COMMD1: variants seen among roughly 807,000 people sequenced by gnomAD.
COMMD1 encodes the protein COMM domain-containing protein 1.
Under a neutral mutation model 17.2 loss-of-function variants are expected in COMMD1, and 10 were observed. That is an observed-to-expected ratio of 0.58 (90% CI 0.36 to 0.99). The LOEUF (loss-of-function observed/expected upper bound fraction) is 0.99, where lower values mean the gene tolerates loss of function less well. COMMD1 is among the 50% of genes least tolerant of loss of function. COMMD1 has a pLI of 0.01. For synonymous variants in COMMD1, 97 were observed against 91.6 expected (o/e 1.06, Z -0.34); for missense variants, 270 against 231.8 (o/e 1.17, Z -1.07).
At chr2:62,006,998 G>T (rs145988268) in intron 2 of COMMD1, among the ~76,000 whole-genome samples, 1 of 152,242 alleles carries the variant, frequency 6.6e-6, no homozygotes, top group Non-Finnish European at 1.5e-5. Context: ...AGGACATTTT[G>T]TGAGGAAACA....
chr2:61,953,019 CT>C (rs1306579870), intron 1 of COMMD1, among the ~76,000 whole-genome samples: 3 of 151,892 alleles, frequency 2.0e-5, no homozygotes, highest in East Asian at 1.9e-4. Context: ...AGGTTAGTTT[CT>C]TTTTTTTGAG....
rs758157135 is a variant in COMMD1 at position 61,918,850 on chromosome 2, A to G, written c.180+12992A>G. Among the ~76,000 whole-genome samples, 90 of 152,062 alleles carry G rather than the reference A, an allele frequency of 5.9e-4. 2 individuals are homozygous for G. Among genetic ancestry groups the G allele is most frequent in the Admixed American group, 2.0e-4 (3 of 15,256 alleles). On this transcript the variant is annotated intron_variant, in intron 1 of 2. Transcript: ENST00000311832. ...TTTTTTGTCTTAATAAAACACCCAC[A>G]TTTTTAGCTCTATCTTAATGTAGAA...
chr2:62,109,509 G>A (rs186163499), intron 2 of COMMD1, among the ~76,000 whole-genome samples: 21 of 152,196 alleles, frequency 1.4e-4, no homozygotes, highest in Admixed American at 6.5e-5. Flanking sequence ...TTATTATATC[G>A]TCTTCTTAAA....
In COMMD1 at chr2:61,943,838, A is replaced by AAAAAC. The variant is rs920175651; in HGVS notation, c.180+38000_180+38004dup. Among the ~76,000 whole-genome samples, 3 of 152,180 alleles carry AAAAAC rather than the reference A, an allele frequency of 2.0e-5. No homozygotes were observed. In the South Asian group the frequency reaches 6.2e-4, roughly 32 times the overall value. On this transcript the variant is annotated intron_variant, in intron 1 of 2. Coordinates refer to ENST00000311832, the MANE Select transcript of COMMD1 (RefSeq NM_152516.4). Reference sequence around the variant, plus strand: ...CGTCTCAGTGAGACTCTGTCTCAAAAAAAACAAAACAAAACAAAACAAAAA... The same window carrying AAAAAC: ...CGTCTCAGTGAGACTCTGTCTCAAAAAAAACAAAACAAAACAAAACAAAACAAAAA...
chr2:62,038,024 C>A (rs1446352614), intron 2 of COMMD1, among the ~76,000 whole-genome samples: 1 of 152,172 alleles, frequency 6.6e-6, no homozygotes, highest in African/African-American at 2.4e-5. Flanking sequence ...CATGGTGGCT[C>A]ACTCCTGTAA....
intron 2 of COMMD1, among the ~76,000 whole-genome samples, chr2:62,082,462 C>T (rs1438276134): frequency 6.6e-6 from 1 of 152,182 alleles, no homozygotes; most frequent in Non-Finnish European, 1.5e-5. Context: ...AGATGACGCA[C>T]CCCATGGTCT....
intron 1 of COMMD1, among the ~76,000 whole-genome samples, chr2:61,896,173 A>G (rs989043932): frequency 6.6e-6 from 1 of 152,238 alleles, no homozygotes; most frequent in African/African-American, 2.4e-5. Flanking sequence ...TATGGTTTGA[A>G]TATCTTTGTC....
chr2:61,910,355 A>G (rs1221369850), intron 1 of COMMD1, among the ~76,000 whole-genome samples: 2 of 151,630 alleles, frequency 1.3e-5, no homozygotes, highest in Non-Finnish European at 2.9e-5. Context: ...GGTTCAAGCA[A>G]TTCTGCCTCA....
intron 2 of COMMD1, among the ~76,000 whole-genome samples, chr2:62,077,244 G>T (rs1376818285): frequency 6.6e-6 from 1 of 152,102 alleles, no homozygotes; most frequent in East Asian, 1.9e-4. Context: ...AGAGAAGGAA[G>T]AAATAGTATT....
chr2:61,995,361 G>T (rs1668726431), intron 1 of COMMD1, among the ~76,000 whole-genome samples: 1 of 152,086 alleles, frequency 6.6e-6, no homozygotes, highest in South Asian at 2.1e-4. Flanking sequence ...CTTTAATCTG[G>T]CTCCAGACTG....
intron 1 of COMMD1, among the ~76,000 whole-genome samples, chr2:61,976,976 G>A (rs1012616195): frequency 2.6e-5 from 4 of 151,634 alleles, no homozygotes; most frequent in East Asian, 3.9e-4. Context: ...TTACAGGTGC[G>A]TACCACCACC....
intron 2 of COMMD1, among the ~76,000 whole-genome samples, chr2:62,128,859 G>C (rs986870168): frequency 6.6e-6 from 1 of 151,688 alleles, no homozygotes; most frequent in Admixed American, 6.6e-5. Flanking sequence ...GGCTGAGGCA[G>C]GTGAATTGCT....
intron 1 of COMMD1, among the ~76,000 whole-genome samples, chr2:61,998,217 C>G (rs987255476): frequency 6.6e-6 from 1 of 151,198 alleles, no homozygotes; most frequent in Non-Finnish European, 1.5e-5. Context: ...AAAACCTTCT[C>G]CATATCAGCA....
intron 2 of COMMD1, among the ~76,000 whole-genome samples, chr2:62,080,946 A>C (rs1671498383): frequency 6.6e-6 from 1 of 152,008 alleles, no homozygotes. Flanking sequence ...ATTCTGGGGA[A>C]GGTTCTGTTA....
chr2:61,932,243 C>G (rs1291500839), intron 1 of COMMD1, among the ~76,000 whole-genome samples: 1 of 152,136 alleles, frequency 6.6e-6, no homozygotes, highest in African/African-American at 2.4e-5. Context: ...AAAATGTATA[C>G]AAAAGGCACA....
chr2:62,062,198 G>A (rs1295232862), intron 2 of COMMD1, among the ~76,000 whole-genome samples: 1 of 151,300 alleles, frequency 6.6e-6, no homozygotes, highest in Non-Finnish European at 1.5e-5. Flanking sequence ...ATACTGAGGT[G>A]GTTGTTTTTG....
At chr2:61,985,176 G>A (rs570394625) in intron 1 of COMMD1, among the ~76,000 whole-genome samples, 8 of 151,446 alleles carry the variant, frequency 5.3e-5, no homozygotes, top group African/African-American at 9.7e-5. Flanking sequence ...TCAGCCTCCC[G>A]AGTAGCTGGG....
intron 2 of COMMD1, among the ~76,000 whole-genome samples, chr2:62,104,899 G>A (rs1477344699): frequency 3.3e-5 from 5 of 152,016 alleles, no homozygotes; most frequent in African/African-American, 1.2e-4. Context: ...GCCGAGGTGG[G>A]TGGATCACCC....
chr2:62,021,476 A>C (rs1659746657), intron 2 of COMMD1, among the ~76,000 whole-genome samples: 1 of 152,322 alleles, frequency 6.6e-6, no homozygotes, highest in East Asian at 1.9e-4. Flanking sequence ...AAATGAAAAA[A>C]GACTGAGAGA....
Sources: allele counts gnomAD v4.1 joint callset (sites outside exome capture counted in the v4.1 genomes callset), GRCh38; gene constraint gnomAD v4.1.1; transcripts MANE v1.5; gene names NCBI Gene and HGNC (gene_info 2026-07-23, HGNC 2026-07-21).